Variants in HDAC4 observed in about 807,000 individuals in gnomAD.
The protein encoded by HDAC4 is histone deacetylase 4.
In HDAC4, 16 loss-of-function variants were observed where a neutral mutation model predicts 135.1. The ratio of observed to expected loss-of-function variants is 0.12; its 90% CI spans 0.08 to 0.18. The LOEUF is 0.18. Ranked by LOEUF, HDAC4 falls within the 10% of genes least tolerant of loss-of-function variation. The probability of loss-of-function intolerance (pLI) is 1.00; values close to 1 mark genes in which losing one functional copy is unlikely to be tolerated. For synonymous variants in HDAC4, 685 were observed against 653.4 expected, an observed-to-expected ratio of 1.05 and a Z score of -0.74; for missense variants, 1,143 against 1,511.8, an observed-to-expected ratio of 0.76 and a Z score of 4.05.
chr2:239,345,855 AACAC>A (rs1209603118), intron 2 of HDAC4, among the ~76,000 whole-genome samples: 1 of 125,862 alleles, frequency 7.9e-6, no homozygotes, highest in African/African-American at 3.0e-5. Flanking sequence ...CATGCACTCA[AACAC>A]ACACACCCTA....
rs185994152 is a variant in HDAC4, at chr2:239,057,242, G to A, written c.3004-2409C>T. Among the ~76,000 whole-genome samples, 651 of 152,234 alleles carry A rather than the reference G, an allele frequency of 4.3e-3. 6 individuals carry two copies. Among genetic ancestry groups the A allele is most frequent in the Middle Eastern group, 0.01 (3 of 294 alleles). ...ATCTCAGACTATCCAAAAATAAAAA[G>A]TTTATTAACTTTTAATAAGTTTTAA... is the stretch of plus-strand genomic sequence containing the variant. On this transcript the variant is annotated intron_variant, in intron 24 of 26. Transcript: ENST00000543185.
intron 11 of HDAC4, among the ~76,000 whole-genome samples, chr2:239,131,069 A>G (rs2040545912): frequency 6.6e-6 from 1 of 152,268 alleles, no homozygotes; most frequent in South Asian, 2.1e-4. Flanking sequence ...ATCTGAGTCC[A>G]CAGTGACCAC....
At chr2:239,118,280 C>G (rs961304422) in intron 12 of HDAC4, among the ~76,000 whole-genome samples, 4 of 152,200 alleles carry the variant, frequency 2.6e-5, no homozygotes, top group African/African-American at 9.6e-5. Flanking sequence ...AACGCAGATC[C>G]ATTGTTTATC....
chr2:239,293,283 T>C (rs544365007), intron 2 of HDAC4, among the ~76,000 whole-genome samples: 1 of 152,360 alleles, frequency 6.6e-6, no homozygotes, highest in South Asian at 2.1e-4. Flanking sequence ...AGAGCTTGAA[T>C]GTAGCAGTTG....
intron 1 of HDAC4, among the ~76,000 whole-genome samples, chr2:239,372,242 C>T (rs1369053531): frequency 3.9e-5 from 6 of 152,182 alleles, no homozygotes; most frequent in Non-Finnish European, 4.4e-5. Context: ...AGTTTGTGAT[C>T]CAGAGAAAAG....
chr2:239,081,481 C>A (rs113937447), intron 21 of HDAC4, among the ~76,000 whole-genome samples: 2 of 152,256 alleles, frequency 1.3e-5, no homozygotes. Flanking sequence ...GCGGACCCGC[C>A]GCCCTGTGTT....
At chr2:239,181,638 C>A (rs775997377) in intron 4 of HDAC4, among the ~76,000 whole-genome samples, 2 of 152,262 alleles carry the variant, frequency 1.3e-5, no homozygotes, top group African/African-American at 4.8e-5. Context: ...GACTCACAGG[C>A]GGCCCATAGC....
At chr2:239,110,739 C>A (rs540944474) in intron 14 of HDAC4, among the ~76,000 whole-genome samples, 1 of 152,348 alleles carries the variant, frequency 6.6e-6, no homozygotes, top group African/African-American at 2.4e-5. Context: ...ATCATAACAA[C>A]ATGAAGAGCG....
intron 2 of HDAC4, chr2:239,298,022 C>CA (rs1247125185): frequency 4.9e-6 from 2 of 409,568 alleles, no homozygotes; most frequent in Non-Finnish European, 9.4e-6. Context: ...GAGAAGACAC[C>CA]AAAAAAAGGC....
Position 239,134,538 on chromosome 2 carries a change from C to A in HDAC4, c.1084G>T (p.Gly362Cys), listed in dbSNP as rs745530862. 1.9e-6 allele frequency: 3 copies of A among 1,613,834 alleles called. No homozygotes were observed. The highest frequency in any genetic ancestry group is 2.7e-5 in the African/African-American group (2 of 74,882). Residue 362 changes from glycine to cysteine, a missense_variant, in exon 10 of 27, where the codon GGC becomes TGC. By Grantham distance (159) the Gly-to-Cys change is radical. Around this residue, in one of 9 missense-constraint regions of HDAC4, gnomAD observed 272 missense variants for 309.7 expected, o/e 0.88. Transcript: ENST00000543185. ...PNITLGLPAT[G>C]PSAGTAGQQD... ...GGGGGCTGACTTACCGCAGAGGGGC[C>A]GGTGGCAGGCAGGCCCAGCGTGATG... is the stretch of plus-strand genomic sequence containing the variant.
intron 4 of HDAC4, among the ~76,000 whole-genome samples, chr2:239,177,136 C>A (rs983738920): frequency 3.3e-5 from 5 of 152,174 alleles, no homozygotes; most frequent in Admixed American, 1.3e-4. Flanking sequence ...GAGAATACCA[C>A]CTAACCATAA....
chr2:239,266,901 T>C (rs2049767474), intron 2 of HDAC4, among the ~76,000 whole-genome samples: 1 of 152,102 alleles, frequency 6.6e-6, no homozygotes, highest in African/African-American at 2.4e-5. Flanking sequence ...CACCAGGTCA[T>C]TAGTTTCGTC....
chr2:239,318,493 A>C (rs554210983), intron 2 of HDAC4, among the ~76,000 whole-genome samples: 115 of 152,160 alleles, frequency 7.6e-4, no homozygotes, highest in Non-Finnish European at 1.3e-3. Flanking sequence ...GCTGTTGATA[A>C]CGAGACATCA....
At chr2:239,251,447 C>T (rs2048779872) in intron 2 of HDAC4, among the ~76,000 whole-genome samples, 1 of 152,082 alleles carries the variant, frequency 6.6e-6, no homozygotes, top group Admixed American at 6.5e-5. Flanking sequence ...TACAAAAAAT[C>T]AGCTGGGTGT....
At chr2:239,248,370 A>G (rs2048588997) in intron 2 of HDAC4, among the ~76,000 whole-genome samples, 1 of 151,916 alleles carries the variant, frequency 6.6e-6, no homozygotes, top group Non-Finnish European at 1.5e-5. Flanking sequence ...TTTAGTAGGG[A>G]TGGGGTTTCA....
intron 18 of HDAC4, among the ~76,000 whole-genome samples, chr2:239,089,360 ACT>A (rs2036278760): frequency 1.3e-5 from 2 of 151,930 alleles, no homozygotes; most frequent in South Asian, 4.2e-4. Flanking sequence ...ACGGAGTCTC[ACT>A]CTGTCACCCA....
chr2:239,397,165 C>G (rs2126130330), intron 1 of HDAC4, among the ~76,000 whole-genome samples: 1 of 152,360 alleles, frequency 6.6e-6, no homozygotes, highest in East Asian at 1.9e-4. Flanking sequence ...AGCACCTCGA[C>G]AAGCTGAACT....
Position 239,068,894 on chromosome 2 carries a change from A to G in HDAC4, c.2751-287T>C, listed in dbSNP as rs368702187. ...GTCACGGTGCAAGCCAGCAAGCCCCACTGCACTTGCTTGGTGAGAGGGAGT... is the reference window on the plus strand; with the variant it reads ...GTCACGGTGCAAGCCAGCAAGCCCCGCTGCACTTGCTTGGTGAGAGGGAGT... On this transcript the variant is annotated intron_variant, in intron 22 of 26. Transcript: ENST00000543185. The surrounding 1 kb of genome is among the most constrained non-coding windows in gnomAD (Gnocchi z 4.4). The G allele has an allele frequency of 2.0e-3, 761 of 389,728 alleles. 3 individuals carry two copies. Among genetic ancestry groups the G allele is most frequent in the East Asian group, 0.011 (186 of 16,802 alleles). The allele number at this position is 389,728 out of a possible 1,614,324, so 24.1% of individuals were successfully genotyped here.
At chr2:239,231,703 G>A (rs1443550253) in intron 3 of HDAC4, among the ~76,000 whole-genome samples, 1 of 36,178 alleles carries the variant, frequency 2.8e-5, no homozygotes, top group Admixed American at 2.8e-4. Context: ...TGAGGTAGGC[G>A]TCCTCCCCAA....
Sources: gnomAD v4.1 joint callset for allele counts (sites outside exome capture counted in the v4.1 genomes callset) on GRCh38, gnomAD v4.1.1 for gene constraint, gnomAD v4.1.1 regional missense constraint, Gnocchi (gnomAD v3.1) non-coding constraint, MANE v1.5 for transcripts, NCBI Gene and HGNC (gene_info 2026-07-23, HGNC 2026-07-21) for gene names.